The following DLGAP2 variants were observed in gnomAD, a reference collection of about 807,000 sequenced individuals.
The protein encoded by DLGAP2 is disks large-associated protein 2.
Under a neutral mutation model 100.3 loss-of-function variants are expected in DLGAP2, and 26 were observed. That is an observed-to-expected ratio of 0.26 (90% CI 0.19 to 0.36). The LOEUF (loss-of-function observed/expected upper bound fraction) is 0.36. Ranked by LOEUF, DLGAP2 falls within the 10% of genes least tolerant of loss-of-function variation. The pLI, the probability that DLGAP2 is intolerant of heterozygous loss-of-function variation, is 1.00. For synonymous variants in DLGAP2, 886 were observed against 630.1 expected, an observed-to-expected ratio of 1.41 and a Z score of -6.08; for missense variants, 1,858 against 1,453.2, an observed-to-expected ratio of 1.28 and a Z score of -4.53.
chr8:1,520,916 G>A (rs1022844527), intron 4 of DLGAP2, among the ~76,000 whole-genome samples: 1 of 152,178 alleles, frequency 6.6e-6, no homozygotes, highest in Non-Finnish European at 1.5e-5. Context: ...GCCTAGTTTT[G>A]TAAGAAACCA....
At chr8:1,373,120 C>A (rs1388281593) in intron 3 of DLGAP2, among the ~76,000 whole-genome samples, 2 of 152,138 alleles carry the variant, frequency 1.3e-5, no homozygotes, top group Non-Finnish European at 2.9e-5. Context: ...TGGGGGGGCG[C>A]CAGCATGTGG....
rs371773485 is a variant in DLGAP2 at position 821,456 on chromosome 8, C to T, written c.18+83631C>T. Among the ~76,000 whole-genome samples the T allele has an allele frequency of 8.2e-4, 125 of 152,184 alleles. 1 individual carries two copies. The South Asian group carries it at 0.022, about 27-fold the overall frequency. ...CGTACTTCCTCCGATTCATTTCTGGCGGGGAATAATAATTTCATGCATTAG... is the reference window on the plus strand; with the variant it reads ...CGTACTTCCTCCGATTCATTTCTGGTGGGGAATAATAATTTCATGCATTAG... On this transcript the variant is annotated intron_variant, in intron 1 of 14. Coordinates refer to ENST00000637795, the MANE Select transcript of DLGAP2 (RefSeq NM_001346810.2).
intron 4 of DLGAP2, among the ~76,000 whole-genome samples, chr8:1,536,824 C>T (rs911187680): frequency 1.6e-4 from 25 of 152,204 alleles, no homozygotes; most frequent in African/African-American, 5.8e-4. Flanking sequence ...CACTTTGACA[C>T]CATTGAACTA....
At chr8:887,524 C>T (rs552439066) in intron 1 of DLGAP2, among the ~76,000 whole-genome samples, 50 of 152,248 alleles carry the variant, frequency 3.3e-4, no homozygotes, top group African/African-American at 1.2e-3. Flanking sequence ...TTTTTCCTTT[C>T]CATATTTAGT....
intron 1 of DLGAP2, among the ~76,000 whole-genome samples, chr8:773,148 G>A (rs1821411529): frequency 6.6e-6 from 1 of 152,182 alleles, no homozygotes; most frequent in African/African-American, 2.4e-5. Flanking sequence ...AGCTCTGGAG[G>A]CTGTGAATCC....
At chr8:1,155,062 C>T (rs879384379) in intron 2 of DLGAP2, among the ~76,000 whole-genome samples, 4 of 152,340 alleles carry the variant, frequency 2.6e-5, no homozygotes, top group Admixed American at 2.0e-4. Flanking sequence ...GCACCAGCAC[C>T]TCTCACCCTG....
At chr8:1,242,397 C>G (rs2116861572) in intron 2 of DLGAP2, among the ~76,000 whole-genome samples, 1 of 152,354 alleles carries the variant, frequency 6.6e-6, no homozygotes, top group East Asian at 1.9e-4. Flanking sequence ...CCCCACATCA[C>G]CAGCCAGGGG....
At chr8:820,233 A>G (rs1796558787) in intron 1 of DLGAP2, among the ~76,000 whole-genome samples, 1 of 152,248 alleles carries the variant, frequency 6.6e-6, no homozygotes, top group African/African-American at 2.4e-5. Context: ...GTAATCATTA[A>G]AGATAGTTAC....
At chr8:1,502,989 G>C (rs941711371) in intron 4 of DLGAP2, among the ~76,000 whole-genome samples, 3 of 152,114 alleles carry the variant, frequency 2.0e-5, no homozygotes, top group Admixed American at 2.0e-4. Flanking sequence ...ACTCTGGGGA[G>C]GCCAGCTTTG....
intron 6 of DLGAP2, among the ~76,000 whole-genome samples, chr8:1,569,545 T>A (rs929382): frequency 0.5 from 76,626 of 152,142 alleles, 19,419 homozygotes; most frequent in South Asian, 0.66. Context: ...TTTTTGCTGT[T>A]GCCTATTCGC....
intron 2 of DLGAP2, among the ~76,000 whole-genome samples, chr8:1,008,873 A>G (rs989099334): frequency 2.0e-5 from 3 of 152,212 alleles, no homozygotes; most frequent in South Asian, 4.1e-4. Flanking sequence ...AGCTCCGAAC[A>G]TGGGTGAGAC....
intron 1 of DLGAP2, among the ~76,000 whole-genome samples, chr8:837,592 C>T (rs145514658): frequency 3.3e-5 from 5 of 151,932 alleles, no homozygotes; most frequent in African/African-American, 1.2e-4. Flanking sequence ...CCGCAGGCAG[C>T]GGTCTCTGGT....
chr8:904,399 A>C (rs1177313486), intron 1 of DLGAP2, among the ~76,000 whole-genome samples: 2 of 152,176 alleles, frequency 1.3e-5, no homozygotes, highest in African/African-American at 4.8e-5. Context: ...AGGTGCCTGT[A>C]ATCCCAGTGA....
chr8:1,172,854 A>G (rs1274086961), intron 2 of DLGAP2, among the ~76,000 whole-genome samples: 2 of 152,008 alleles, frequency 1.3e-5, no homozygotes, highest in African/African-American at 2.4e-5. Context: ...TCGTAGTTTG[A>G]TCGTCTGAAC....
intron 1 of DLGAP2, among the ~76,000 whole-genome samples, chr8:823,550 C>G (rs903202033): frequency 3.9e-5 from 6 of 152,182 alleles, no homozygotes; most frequent in African/African-American, 1.4e-4. Context: ...AGACCCTTGA[C>G]TTCCGTCAGC....
At chr8:1,489,954 C>A (rs1159564675) in intron 3 of DLGAP2, among the ~76,000 whole-genome samples, 1 of 152,042 alleles carries the variant, frequency 6.6e-6, no homozygotes, top group Non-Finnish European at 1.5e-5. Flanking sequence ...TGCAGTGGCA[C>A]AATCTTGGCT....
chr8:1,164,674 T>A (rs1796979744), intron 2 of DLGAP2, among the ~76,000 whole-genome samples: 1 of 152,200 alleles, frequency 6.6e-6, no homozygotes, highest in South Asian at 2.1e-4. Flanking sequence ...GAAATTGAGC[T>A]GCATTCTCTG....
intron 2 of DLGAP2, chr8:1,248,800 C>G (rs1029539492): frequency 6.6e-6 from 1 of 152,546 alleles, no homozygotes; most frequent in Non-Finnish European, 1.5e-5. Flanking sequence ...CTTCTGGGTC[C>G]GGACTGCGGG....
intron 3 of DLGAP2, among the ~76,000 whole-genome samples, chr8:1,433,013 C>T (rs919682917): frequency 1.3e-5 from 2 of 152,160 alleles, no homozygotes; most frequent in African/African-American, 4.8e-5. Flanking sequence ...ATGGAGGTGA[C>T]CCCCACAGTC....
Sources: gnomAD v4.1 joint callset for allele counts (sites outside exome capture counted in the v4.1 genomes callset) on GRCh38, gnomAD v4.1.1 for gene constraint, MANE v1.5 for transcripts, NCBI Gene and HGNC (gene_info 2026-07-23, HGNC 2026-07-21) for gene names.